Variants in SSH1 observed in about 807,000 individuals in gnomAD.
SSH1 encodes protein phosphatase Slingshot homolog 1.
Under a neutral mutation model 79.7 loss-of-function variants are expected in SSH1, and 43 were observed. The observed-to-expected ratio is 0.54, with a 90% CI of 0.42 to 0.70. The LOEUF is 0.70. SSH1 is among the 30% of genes least tolerant of loss of function. The pLI is 0.00. For synonymous variants in SSH1, 599 were observed against 538.3 expected (o/e 1.11, Z -1.56); for missense variants, 1,206 against 1,358.8 (o/e 0.89, Z 1.77).
intron 9 of SSH1, among the ~76,000 whole-genome samples, chr12:108,805,857 A>G (rs957683458): frequency 2.0e-5 from 3 of 152,230 alleles, no homozygotes; most frequent in African/African-American, 7.2e-5. Context: ...AAAGGTAGAG[A>G]GAAATTATTC....
intron 1 of SSH1, among the ~76,000 whole-genome samples, chr12:108,856,231 G>A (rs1370629274): frequency 6.6e-6 from 1 of 152,250 alleles, no homozygotes; most frequent in Non-Finnish European, 1.5e-5. Flanking sequence ...TTCAAGAGAT[G>A]GTGGGCAAGA....
At chr12:108,818,025 C>G in intron 4 of SSH1, among the ~76,000 whole-genome samples, 1 of 152,052 alleles carries the variant, frequency 6.6e-6, no homozygotes, top group Non-Finnish European at 1.5e-5. Context: ...AATAGCAAGA[C>G]CCCATATCCA....
chr12:108,795,172 T>C (rs1472474150), intron 13 of SSH1, among the ~76,000 whole-genome samples: 2 of 152,224 alleles, frequency 1.3e-5, no homozygotes, highest in Admixed American at 6.5e-5. Context: ...CCTAAAATGA[T>C]TGAGACTTGC....
chr12:108,787,118 C>T lies in SSH1; in HGVS notation c.*870G>A, dbSNP rs947408621. 8.5e-5 allele frequency: 13 copies of T among 152,238 alleles called. No individual in the cohort carries two copies. Among genetic ancestry groups the T allele is most frequent in the African/African-American group, 3.1e-4 (13 of 41,442 alleles). 9.4% of individuals were successfully genotyped at this position (152,238 alleles called of 1,614,324 possible). On this transcript the variant is annotated 3_prime_UTR_variant, in exon 15 of 15. Transcript: ENST00000326495. ...AGGACGATGTGTCTCAGAACCACCA[C>T]CTGAGCCAGACACTTGAGCAATTTC...
intron 2 of SSH1, 145 bp downstream of exon 2, chr12:108,852,493 G>C (rs2039062801): frequency 2.2e-6 from 2 of 923,476 alleles, no homozygotes; most frequent in Admixed American, 1.7e-5. Context: ...GCCTCCCAAA[G>C]TGCTGGAATT....
intron 11 of SSH1, among the ~76,000 whole-genome samples, chr12:108,801,432 C>T (rs572535892): frequency 6.6e-6 from 1 of 152,198 alleles, no homozygotes; most frequent in East Asian, 1.9e-4. Context: ...TCAACTTAAT[C>T]AATACTTTTA....
chr12:108,810,058 C>T (rs921553611), intron 6 of SSH1, among the ~76,000 whole-genome samples: 12 of 152,232 alleles, frequency 7.9e-5, no homozygotes, highest in South Asian at 2.1e-4. Context: ...TATGTTCCAA[C>T]GTGGTTCCTG....
chr12:108,833,715 G>A lies in SSH1; in HGVS notation c.111-10354C>T, dbSNP rs578207381. Reference sequence around the variant, plus strand: ...TCTACCCACTCTCTGTCTAGTATGGGAGCCACTGGCCAGATGTGTTGACTG... The same window carrying A: ...TCTACCCACTCTCTGTCTAGTATGGAAGCCACTGGCCAGATGTGTTGACTG... On this transcript the variant is annotated intron_variant, in intron 2 of 14. Transcript: ENST00000326495. 5 of 152,362 alleles carry A rather than the reference G, an allele frequency of 3.3e-5. No homozygotes were observed. The East Asian group carries it at 9.6e-4, about 29-fold the overall frequency. The allele number at this position is 152,362 out of a possible 1,614,324, so 9.4% of individuals were successfully genotyped here. A position where few individuals can be genotyped will look rare whatever the true frequency, so the allele number is the denominator to read the frequency against.
chr12:108,806,034 A>C (rs1477611832), intron 9 of SSH1, among the ~76,000 whole-genome samples: 1 of 152,284 alleles, frequency 6.6e-6, no homozygotes, highest in East Asian at 1.9e-4. Flanking sequence ...ACTTCTCCCC[A>C]AAGGCCATAT....
intron 2 of SSH1, among the ~76,000 whole-genome samples, chr12:108,845,281 G>C (rs201653539): frequency 6.6e-6 from 1 of 151,834 alleles, no homozygotes. Context: ...CTGGGGTTCA[G>C]ACAAGACCTC....
intron 9 of SSH1, among the ~76,000 whole-genome samples, chr12:108,805,946 A>G (rs953258248): frequency 6.6e-6 from 1 of 152,112 alleles, no homozygotes; most frequent in Admixed American, 6.6e-5. Flanking sequence ...ACCCAAGGTA[A>G]TAGGGAGCAG....
intron 5 of SSH1, among the ~76,000 whole-genome samples, chr12:108,814,488 C>T (rs1484462757): frequency 6.6e-6 from 1 of 151,964 alleles, no homozygotes; most frequent in Non-Finnish European, 1.5e-5. Context: ...AGGAAGACAA[C>T]AGCCTGGTGC....
intron 3 of SSH1, among the ~76,000 whole-genome samples, chr12:108,822,881 T>G (rs1411170269): frequency 6.6e-6 from 1 of 152,208 alleles, no homozygotes; most frequent in Non-Finnish European, 1.5e-5. Flanking sequence ...ATCCCAAGAT[T>G]AGGTATACAG....
Position 108,830,143 on chromosome 12 carries a change from A to G in SSH1, c.111-6782T>C, listed in dbSNP as rs952128294. On this transcript the variant is annotated intron_variant, in intron 2 of 14. Coordinates refer to ENST00000326495, the MANE Select transcript of SSH1 (RefSeq NM_018984.4). The stretch of plus-strand genomic sequence containing the variant: ...TGCTTCTGATGCACAGCCAAGTTTT[A>G]AAAACCTCAGAATCAAATAACATCA... Among the ~76,000 whole-genome samples the G allele has an allele frequency of 4.6e-5, 7 of 152,116 alleles. 1 individual carries two copies. Among genetic ancestry groups the G allele is most frequent in the Admixed American group, 6.5e-5 (1 of 15,284 alleles).
At chr12:108,802,253 C>CA in intron 11 of SSH1, 69 bp downstream of exon 11, 1 of 1,482,300 alleles carries the variant, frequency 6.7e-7, no homozygotes, top group Admixed American at 1.7e-5. Context: ...AGGTCTCCCC[C>CA]TCCATGGCAG....
rs555340569 is a variant in SSH1, at chr12:108,814,711, T to C, written c.401+2327A>G. On this transcript the variant is annotated intron_variant, in intron 5 of 14. Transcript: ENST00000326495. Reference sequence around the variant, plus strand: ...GGGGTCGGTGCCCACAGGTGGGCCGTGGCTCCTGCTCAGAGGGTGCAGAGA... The same window carrying C: ...GGGGTCGGTGCCCACAGGTGGGCCGCGGCTCCTGCTCAGAGGGTGCAGAGA... 1.3e-3 allele frequency among the ~76,000 whole-genome samples: 200 copies of C among 152,310 alleles called. 1 individual carries two copies. Among genetic ancestry groups the C allele is most frequent in the African/African-American group, 4.7e-3 (196 of 41,564 alleles).
intron 13 of SSH1, 110 bp from the exon 14 acceptor site, chr12:108,792,939 G>A: frequency 2.2e-6 from 3 of 1,349,566 alleles, no homozygotes; most frequent in Non-Finnish European, 3.1e-6. Flanking sequence ...AGGGCGCCAG[G>A]GACGATCCAT....
intron 5 of SSH1, among the ~76,000 whole-genome samples, chr12:108,812,248 T>A (rs2037648141): frequency 6.6e-6 from 1 of 152,220 alleles, no homozygotes; most frequent in Non-Finnish European, 1.5e-5. Flanking sequence ...TAACTAGTAT[T>A]TCTCTTATAG....
chr12:108,801,399 C>T (rs1289696746), intron 11 of SSH1, among the ~76,000 whole-genome samples: 1 of 152,128 alleles, frequency 6.6e-6, no homozygotes, highest in Non-Finnish European at 1.5e-5. Flanking sequence ...ACAGGGTCTG[C>T]TAACCCAGGT....
Sources: gnomAD v4.1 joint callset for allele counts (sites outside exome capture counted in the v4.1 genomes callset) on GRCh38, gnomAD v4.1.1 for gene constraint, MANE v1.5 for transcripts, NCBI Gene and HGNC (gene_info 2026-07-23, HGNC 2026-07-21) for gene names.